TLK2: variants seen among roughly 807,000 people sequenced by gnomAD.
TLK2 encodes tousled like kinase 2.
TLK2 carries 6 observed loss-of-function variants against 117.3 expected under a neutral mutation model. The ratio of observed to expected loss-of-function variants is 0.05; its 90% confidence interval spans 0.03 to 0.10. TLK2 has a LOEUF of 0.10. TLK2 is among the 10% of genes least tolerant of loss of function. The pLI is 1.00. For synonymous variants in TLK2, 257 were observed against 316.7 expected (o/e 0.81, Z 2.00); for missense variants, 299 against 901.2 (o/e 0.33, Z 8.56).
At chr17:62,577,624 G>A (rs1355580388) in intron 13 of TLK2, among the ~76,000 whole-genome samples, 1 of 152,202 alleles carries the variant, frequency 6.6e-6, no homozygotes, top group South Asian at 2.1e-4. Context: ...TACATTGGTC[G>A]ATGCTCTTTA....
upstream of TLK2, among the ~76,000 whole-genome samples, chr17:62,476,865 T>G (rs561346951): frequency 5.9e-5 from 9 of 151,726 alleles, no homozygotes; most frequent in Non-Finnish European, 1.3e-4. Flanking sequence ...GCGGATCAAC[T>G]GAGGTCAGGA....
At chr17:62,514,663 C>G (rs539133102) in intron 2 of TLK2, among the ~76,000 whole-genome samples, 2 of 151,564 alleles carry the variant, frequency 1.3e-5, no homozygotes, top group South Asian at 4.2e-4. Context: ...AATGCAACCT[C>G]TGCCTCCCAG....
chr17:62,554,232 T>C (rs1315490072), intron 9 of TLK2, among the ~76,000 whole-genome samples: 1 of 152,174 alleles, frequency 6.6e-6, no homozygotes, highest in African/African-American at 2.4e-5. Context: ...CTAGAAAATA[T>C]CAATATATTT....
intron 16 of TLK2, among the ~76,000 whole-genome samples, chr17:62,595,465 T>C (rs58356593): frequency 0.024 from 3,726 of 152,172 alleles, 143 homozygotes; most frequent in African/African-American, 0.085. Flanking sequence ...TAGGTTTGTT[T>C]ACACCAGCAT....
intron 1 of TLK2, among the ~76,000 whole-genome samples, chr17:62,479,728 G>A (rs2071388705): frequency 6.6e-6 from 1 of 152,234 alleles, no homozygotes; most frequent in Admixed American, 6.5e-5. Context: ...AGGCCCCGCT[G>A]GAATTAGACG....
At chr17:62,500,216 T>C (rs964938422) in intron 2 of TLK2, among the ~76,000 whole-genome samples, 5 of 151,844 alleles carry the variant, frequency 3.3e-5, no homozygotes, top group Non-Finnish European at 5.9e-5. Context: ...ACTACAAGTG[T>C]GTACTACCAC....
chr17:62,495,221 G>T (rs1211905552), intron 2 of TLK2, among the ~76,000 whole-genome samples: 46 of 151,972 alleles, frequency 3.0e-4, no homozygotes, highest in Admixed American at 3.0e-3. Context: ...CGGGCATGAG[G>T]TGGTGGTGAG....
chr17:62,546,341 A>ATTTTTTTTTTTTTTTTTTTTTT (rs1385208928), intron 7 of TLK2, among the ~76,000 whole-genome samples: 2 of 8,864 alleles, frequency 2.3e-4, no homozygotes, highest in Non-Finnish European at 8.2e-4. Flanking sequence ...GAGTTTGTTG[A>ATTTTTTTTTTTTTTTTTTTTTT]TTGTTTTTTT....
intron 10 of TLK2, among the ~76,000 whole-genome samples, chr17:62,561,767 TGAGA>T (rs1349413228): frequency 6.6e-6 from 1 of 152,234 alleles, no homozygotes; most frequent in Admixed American, 6.5e-5. Flanking sequence ...AAATTTTTTC[TGAGA>T]GTGAGAAAAA....
rs528918370 is a variant in TLK2 at position 62,540,029 on chromosome 17, T to TCTC, written c.531+3711_531+3713dup. 3.5e-3 allele frequency among the ~76,000 whole-genome samples: 531 copies of TCTC among 151,034 alleles called. 5 individuals are homozygous for TCTC. The highest frequency in any genetic ancestry group is 0.012 in the African/African-American group (493 of 41,156). On this transcript the variant is annotated intron_variant, in intron 7 of 21. Transcript: ENST00000346027. ...AACCCATTTCTCCTACAGCTGCCTT[T>TCTC]CTCCTCCTCCTCCTCCTCCTCTTCC...
chr17:62,588,264 T>C (rs1412641036), intron 16 of TLK2, among the ~76,000 whole-genome samples: 1 of 152,106 alleles, frequency 6.6e-6, no homozygotes, highest in African/African-American at 2.4e-5. Flanking sequence ...AGAGCTCTAG[T>C]GTTGGATACC....
At chr17:62,542,812 A>C (rs943665907) in intron 7 of TLK2, among the ~76,000 whole-genome samples, 1 of 152,226 alleles carries the variant, frequency 6.6e-6, no homozygotes, top group African/African-American at 2.4e-5. Context: ...GATGTTCTTC[A>C]AAACTTGATT....
intron 16 of TLK2, among the ~76,000 whole-genome samples, chr17:62,588,471 T>C (rs968962746): frequency 2.6e-5 from 4 of 152,198 alleles, no homozygotes; most frequent in Non-Finnish European, 4.4e-5. Flanking sequence ...TTGTCTAAGT[T>C]CTTTCCATTC....
intron 2 of TLK2, among the ~76,000 whole-genome samples, chr17:62,497,404 C>G (rs1219767364): frequency 6.6e-6 from 1 of 152,172 alleles, no homozygotes; most frequent in Non-Finnish European, 1.5e-5. Flanking sequence ...TGAGCAGAAG[C>G]TATGCACATA....
chr17:62,516,931 G>A (rs1331567168), intron 2 of TLK2, among the ~76,000 whole-genome samples: 3 of 152,032 alleles, frequency 2.0e-5, no homozygotes, highest in African/African-American at 7.2e-5. Flanking sequence ...TTTTGAGACC[G>A]TCTCACTCTG....
intron 2 of TLK2, among the ~76,000 whole-genome samples, chr17:62,488,315 A>G (rs1354883181): frequency 6.6e-6 from 1 of 152,218 alleles, no homozygotes; most frequent in Admixed American, 6.6e-5. Context: ...CTGAAAAGGT[A>G]TTTAACCAAC....
upstream of TLK2, among the ~76,000 whole-genome samples, chr17:62,476,232 A>T (rs1342618608): frequency 1.3e-5 from 2 of 151,242 alleles, no homozygotes; most frequent in Non-Finnish European, 3.0e-5. Flanking sequence ...CACCCGCCTT[A>T]GCCTCCCAGA....
chr17:62,531,365 G>A (rs2076730116), intron 6 of TLK2, among the ~76,000 whole-genome samples: 1 of 151,814 alleles, frequency 6.6e-6, no homozygotes, highest in Non-Finnish European at 1.5e-5. Flanking sequence ...TTTGCTATTA[G>A]CTCTATTGAA....
At chr17:62,513,579 T>C (rs1431702223) in intron 2 of TLK2, among the ~76,000 whole-genome samples, 1 of 152,116 alleles carries the variant, frequency 6.6e-6, no homozygotes, top group African/African-American at 2.4e-5. Context: ...CAAGCTATCC[T>C]CCCACCTCAT....
Sources: allele counts gnomAD v4.1 joint callset (sites outside exome capture counted in the v4.1 genomes callset), GRCh38; gene constraint gnomAD v4.1.1; transcripts MANE v1.5; gene names NCBI Gene and HGNC (gene_info 2026-07-23, HGNC 2026-07-21).